AIG1: variants seen among roughly 807,000 people sequenced by gnomAD.
AIG1 encodes the protein androgen-induced gene 1 protein.
AIG1 carries 23 observed loss-of-function variants against 31.4 expected under a neutral mutation model. That is an observed-to-expected ratio of 0.73 (90% CI 0.53 to 1.04). The LOEUF (loss-of-function observed/expected upper bound fraction) is 1.04. Among genes scored for constraint, AIG1 ranks in the 50% least tolerant of loss-of-function variants. The pLI is 0.00. For missense variants in AIG1, 274 were observed against 295.0 expected (o/e 0.93, Z 0.52); for synonymous variants, 100 against 110.5 (o/e 0.90, Z 0.60).
At chr6:143,139,748 A>G (rs1427577809) in intron 2 of AIG1, among the ~76,000 whole-genome samples, 1 of 151,934 alleles carries the variant, frequency 6.6e-6, no homozygotes, top group Non-Finnish European at 1.5e-5. Context: ...TCTAGAAATC[A>G]TCATATGTTT....
chr6:143,326,528 C>T lies in AIG1; in HGVS notation c.516-6754C>T, dbSNP rs9390083. ...AAAAATAAACAGTCCCTCACCCCAC[C>T]GAACTTACACTGTAGAGGGGGAGAA... is the stretch of plus-strand genomic sequence containing the variant. On this transcript the variant is annotated intron_variant, in intron 4 of 5. Coordinates refer to ENST00000357847, the MANE Select transcript of AIG1 (RefSeq NM_016108.4). This position sits in a 1 kb window ranked among gnomAD's most constrained non-coding sequence, Gnocchi z 4.5. 6.6e-6 allele frequency among the ~76,000 whole-genome samples: 1 copy of T among 151,928 alleles called. No homozygotes were observed. The highest frequency in any genetic ancestry group is 1.5e-5 in the Non-Finnish European group (1 of 67,990).
At chr6:143,341,303 G>A (rs1481304780), downstream of AIG1, among the ~76,000 whole-genome samples, 1 of 152,170 alleles carries the variant, frequency 6.6e-6, no homozygotes, top group Non-Finnish European at 1.5e-5. Flanking sequence ...AGACTTGAAG[G>A]ATCCAGAGTT....
chr6:143,341,080 C>T (rs756203609), downstream of AIG1, among the ~76,000 whole-genome samples: 49 of 152,202 alleles, frequency 3.2e-4, no homozygotes, highest in African/African-American at 1.2e-3. Flanking sequence ...CTGTCTCTCT[C>T]TTTCTCCCAC....
intron 3 of AIG1, among the ~76,000 whole-genome samples, chr6:143,208,063 G>T (rs72990433): frequency 6.6e-6 from 1 of 152,200 alleles, no homozygotes; most frequent in Non-Finnish European, 1.5e-5. Flanking sequence ...CATCTAAAGC[G>T]TGCTAAGGAA....
chr6:143,080,718 A>G (rs1778169925), intron 1 of AIG1, among the ~76,000 whole-genome samples: 1 of 152,092 alleles, frequency 6.6e-6, no homozygotes, highest in East Asian at 1.9e-4. Flanking sequence ...CAGATCCTCT[A>G]GAGGTTCACA....
chr6:143,164,803 G>A (rs1786760285), intron 2 of AIG1: 1 of 282,688 alleles, frequency 3.5e-6, no homozygotes, highest in African/African-American at 2.2e-5. Flanking sequence ...CCCTGAAACG[G>A]AGCTGTACAC....
chr6:143,081,272 T>A (rs1372265434), intron 1 of AIG1, among the ~76,000 whole-genome samples: 1 of 152,152 alleles, frequency 6.6e-6, no homozygotes, highest in Non-Finnish European at 1.5e-5. Context: ...GTAAGTGATA[T>A]TGTATACCTA....
At chr6:143,059,991 A>G (rs1164760871), upstream of AIG1, among the ~76,000 whole-genome samples, 1 of 152,236 alleles carries the variant, frequency 6.6e-6, no homozygotes, top group African/African-American at 2.4e-5. Flanking sequence ...GGGCAAAACC[A>G]GTTTAACAAC....
intron 3 of AIG1, among the ~76,000 whole-genome samples, chr6:143,185,729 G>T (rs1349243142): frequency 1.3e-5 from 2 of 151,946 alleles, no homozygotes; most frequent in African/African-American, 2.4e-5. Context: ...CCATTATCTG[G>T]CTCGGTGGCA....
chr6:143,180,979 T>C (rs979025224), intron 3 of AIG1, among the ~76,000 whole-genome samples: 1 of 152,232 alleles, frequency 6.6e-6, no homozygotes, highest in Non-Finnish European at 1.5e-5. Flanking sequence ...TGGATGATCA[T>C]TGGTTTTGCA....
chr6:143,139,916 A>G (rs928375666), intron 2 of AIG1, among the ~76,000 whole-genome samples: 2 of 152,238 alleles, frequency 1.3e-5, no homozygotes, highest in African/African-American at 2.4e-5. Flanking sequence ...TTGCAAAGTC[A>G]TATTTATACA....
chr6:143,171,613 A>G (rs1019582069), intron 3 of AIG1, among the ~76,000 whole-genome samples: 1 of 147,030 alleles, frequency 6.8e-6, no homozygotes, highest in Non-Finnish European at 1.5e-5. Flanking sequence ...TATATTTTTG[A>G]AATTGCAAAT....
At chr6:143,310,673 C>T (rs1002152887) in intron 4 of AIG1, among the ~76,000 whole-genome samples, 3 of 149,530 alleles carry the variant, frequency 2.0e-5, no homozygotes, top group Non-Finnish European at 4.5e-5. Context: ...ATTATTGTAA[C>T]AGATTGATAA....
At chr6:143,203,006 C>T (rs1026240747) in intron 3 of AIG1, among the ~76,000 whole-genome samples, 1 of 152,122 alleles carries the variant, frequency 6.6e-6, no homozygotes, top group Non-Finnish European at 1.5e-5. Context: ...GCAGCAAAAG[C>T]AGTGTGGGTA....
chr6:143,294,255 A>T (rs1397330178), intron 4 of AIG1, among the ~76,000 whole-genome samples: 4 of 152,128 alleles, frequency 2.6e-5, no homozygotes, highest in Non-Finnish European at 4.4e-5. Flanking sequence ...TCTCCACCTT[A>T]CAACATTGCT....
chr6:143,317,483 A>G (rs1775855993), intron 4 of AIG1, among the ~76,000 whole-genome samples: 1 of 152,030 alleles, frequency 6.6e-6, no homozygotes, highest in African/African-American at 2.4e-5. Context: ...CCTCAGCAAA[A>G]TTGGCATTGA....
intron 3 of AIG1, among the ~76,000 whole-genome samples, chr6:143,261,572 G>A (rs1030828337): frequency 3.3e-5 from 5 of 152,004 alleles, no homozygotes; most frequent in African/African-American, 4.8e-5. Flanking sequence ...CAGAATTTAT[G>A]TGGCAAAAAA....
At chr6:143,159,278 G>A (rs189933500) in intron 2 of AIG1, among the ~76,000 whole-genome samples, 3 of 152,376 alleles carry the variant, frequency 2.0e-5, no homozygotes, top group Non-Finnish European at 2.9e-5. Flanking sequence ...GGCACAGGCC[G>A]AGGTTGGAGA....
downstream of AIG1, chr6:143,343,444 T>A (rs925741776): frequency 2.4e-5 from 11 of 467,564 alleles, no homozygotes; most frequent in African/African-American, 2.0e-4. Flanking sequence ...CCAGGAGACA[T>A]CGGCCCTAGA....
Sources: allele counts gnomAD v4.1 joint callset (sites outside exome capture counted in the v4.1 genomes callset), GRCh38; gene constraint gnomAD v4.1.1; non-coding constraint Gnocchi (gnomAD v3.1); transcripts MANE v1.5; gene names NCBI Gene and HGNC (gene_info 2026-07-23, HGNC 2026-07-21).